The following SCAF11 variants were observed in gnomAD, a reference collection of about 807,000 sequenced individuals.
SCAF11 encodes the protein SR-related CTD associated factor 11.
A neutral mutation model predicts 140.5 loss-of-function variants in SCAF11; 47 were observed. That is an observed-to-expected ratio of 0.33 (90% CI 0.26 to 0.43). The LOEUF (loss-of-function observed/expected upper bound fraction) is 0.43, where lower values mean the gene tolerates loss of function less well. Ranked by LOEUF, SCAF11 falls within the 20% of genes least tolerant of loss-of-function variation. The probability of loss-of-function intolerance (pLI) is 1.00; values close to 1 mark genes in which losing one functional copy is unlikely to be tolerated. For missense variants in SCAF11, 1,645 were observed against 1,705.1 expected (o/e 0.96, Z 0.62); for synonymous variants, 557 against 579.4 (o/e 0.96, Z 0.55).
At chr12:45,971,075 A>T (rs1353310836) in intron 1 of SCAF11, among the ~76,000 whole-genome samples, 5 of 152,258 alleles carry the variant, frequency 3.3e-5, no homozygotes, top group Non-Finnish European at 7.3e-5. Flanking sequence ...AATTGAAAAT[A>T]GGACAAGTTT....
chr12:45,976,181 A>G (rs1285958703), intron 1 of SCAF11, among the ~76,000 whole-genome samples: 1 of 152,174 alleles, frequency 6.6e-6, no homozygotes, highest in East Asian at 1.9e-4. Flanking sequence ...TAAGACCTCT[A>G]TTTCACTTCA....
chr12:45,940,956 C>A (rs1489474478), intron 6 of SCAF11, among the ~76,000 whole-genome samples: 1 of 152,130 alleles, frequency 6.6e-6, no homozygotes, highest in Non-Finnish European at 1.5e-5. Flanking sequence ...AGGTGTGTAT[C>A]ACCACACTTG....
chr12:45,972,145 G>GCTA (rs1946087755), intron 1 of SCAF11, among the ~76,000 whole-genome samples: 1 of 152,188 alleles, frequency 6.6e-6, no homozygotes, highest in South Asian at 2.1e-4. Flanking sequence ...TCACAGACTG[G>GCTA]CTACTGGGTA....
At chr12:45,983,563 T>C (rs1335144010) in intron 1 of SCAF11, among the ~76,000 whole-genome samples, 2 of 152,094 alleles carry the variant, frequency 1.3e-5, no homozygotes, top group Non-Finnish European at 2.9e-5. Flanking sequence ...TAAACAAAGC[T>C]AACTTAAGAG....
intron 1 of SCAF11, among the ~76,000 whole-genome samples, chr12:45,969,982 C>A (rs764120694): frequency 3.9e-5 from 6 of 152,186 alleles, no homozygotes; most frequent in African/African-American, 1.4e-4. Context: ...CCGCAACCTC[C>A]GCTTCCCAAG....
intron 1 of SCAF11, among the ~76,000 whole-genome samples, chr12:45,972,897 T>TATATATAGATAG (rs1565688754): frequency 1.5e-5 from 1 of 64,850 alleles, no homozygotes; most frequent in African/African-American, 5.9e-5. Flanking sequence ...TATATAGATA[T>TATATATAGATAG]ATATATATAT....
intron 1 of SCAF11, among the ~76,000 whole-genome samples, chr12:45,972,931 T>TATCG (rs1946127913): frequency 1.3e-5 from 1 of 76,224 alleles, no homozygotes; most frequent in Non-Finnish European, 2.5e-5. Flanking sequence ...GATATATAGA[T>TATCG]ATATATAGAT....
In SCAF11 at chr12:45,923,095, C is replaced by G. The variant is rs754322684; in HGVS notation, c.3966G>C (p.Pro1322=). 4.3e-6 allele frequency: 7 copies of G among 1,613,948 alleles called. No individual in the cohort carries two copies. The highest frequency in any genetic ancestry group is 5.9e-6 in the Non-Finnish European group (7 of 1,180,012). ...TTCCCGTATTTCCTGGGGCTGCTGT[C>G]GGAGCAGGCAAAACTGGTGTACTCA... ...NNMSTPVLPA[P]TAAPGNTGMV... is the part of the protein sequence containing the mutation. The change falls in exon 13 of 15, where the codon CCG becomes CCC. Residue 1322 remains proline, a synonymous_variant. Transcript: ENST00000369367.
At chr12:45,960,923 TA>T (rs1233788109) in intron 3 of SCAF11, 1 of 160,078 alleles carries the variant, frequency 6.2e-6, no homozygotes, top group African/African-American at 2.4e-5. Context: ...TGACAAATAT[TA>T]ACTTAGAAAA....
rs1944665388 is a variant in SCAF11, at chr12:45,919,844, T to G, written c.*2204A>C. On this transcript the variant is annotated 3_prime_UTR_variant, in exon 15 of 15. Transcript: ENST00000369367. ...ACTTTTTCTCCAAAACTTTAGAACT[T>G]GTTTGCAAAAGCTAAATGGTATAAA... 1 of 152,202 alleles carries G rather than the reference T, an allele frequency of 6.6e-6. No homozygotes were observed. The highest frequency in any genetic ancestry group is 2.4e-5 in the African/African-American group (1 of 41,450). 9.4% of individuals were successfully genotyped at this position (152,202 alleles called of 1,614,324 possible). A position where few individuals can be genotyped will look rare whatever the true frequency, so the allele number is the denominator to read the frequency against.
At chr12:45,925,220 C>A (rs1320202693) in intron 11 of SCAF11, 146 bp from the exon 12 acceptor site, 15 of 630,270 alleles carry the variant, frequency 2.4e-5, no homozygotes, top group African/African-American at 3.7e-5. Flanking sequence ...TTAATTTAAT[C>A]CTGTCATTTC....
intron 1 of SCAF11, chr12:45,974,210 C>T: frequency 2.1e-6 from 1 of 470,920 alleles, no homozygotes; most frequent in Non-Finnish European, 4.4e-6. Flanking sequence ...AAAATGCTAA[C>T]AATCATCTCA....
intron 9 of SCAF11, 117 bp downstream of exon 9, chr12:45,933,014 G>A (rs895149284): frequency 7.3e-5 from 47 of 647,170 alleles, no homozygotes; most frequent in South Asian, 1.7e-4. Flanking sequence ...AGTTTAATTT[G>A]CACAAAACTT....
Position 45,927,664 on chromosome 12 carries a change from T to C in SCAF11, c.2037A>G (p.Lys679=). Residue 679 remains lysine, a synonymous_variant, in exon 11 of 15, where the codon AAA becomes AAG. Transcript: ENST00000369367. Reference sequence around the variant, plus strand: ...GCGATTCATTCTTTTCTTCTAAAGATTTTTCCAATTTGGTGTTCAGAAGAT... The same window carrying C: ...GCGATTCATTCTTTTCTTCTAAAGACTTTTCCAATTTGGTGTTCAGAAGAT... The part of the protein sequence containing the change: ...KNNLLNTKLE[K]SLEEKNESLT... 3 of 1,612,096 alleles carry C rather than the reference T, an allele frequency of 1.9e-6. No homozygotes were observed.
intron 1 of SCAF11, among the ~76,000 whole-genome samples, chr12:45,971,734 G>T (rs887320276): frequency 2.6e-5 from 4 of 151,898 alleles, no homozygotes; most frequent in African/African-American, 9.7e-5. Context: ...CCCTTTCTCT[G>T]TTCCTCATGT....
At chr12:45,962,352 T>TGGC (rs1419144725) in intron 2 of SCAF11, among the ~76,000 whole-genome samples, 2 of 152,236 alleles carry the variant, frequency 1.3e-5, no homozygotes, top group African/African-American at 4.8e-5. Flanking sequence ...TTTCAACTTT[T>TGGC]GGCTATGACA....
At position 45,924,955 on chromosome 12, in the gene SCAF11, T is replaced by C. The variant is rs141444053; in HGVS notation, c.3679A>G (p.Asn1227Asp). Residue 1227 changes from asparagine (N) to aspartate (D), a missense_variant, in exon 12 of 15, where the codon AAT (asparagine) becomes GAT (aspartate). Asn to Asp is a conservative substitution (Grantham distance 23, BLOSUM62 1). Coordinates refer to ENST00000369367, the MANE Select transcript of SCAF11 (RefSeq NM_004719.3). ...ACACCCACTGGATATGGGAAGATAT[T>C]CATAGGCTGGTGTTGTGCATTCATT... ...QQMNAQHQPM[N>D]IFPYPVGVHA... The C allele has an allele frequency of 1.2e-6, 2 of 1,614,176 alleles. No individual in the cohort carries two copies. Among genetic ancestry groups the C allele is most frequent in the Non-Finnish European group, 1.7e-6 (2 of 1,180,024 alleles).
At chr12:45,950,301 T>A (rs1592193266) in intron 4 of SCAF11, among the ~76,000 whole-genome samples, 1 of 151,988 alleles carries the variant, frequency 6.6e-6, no homozygotes, top group East Asian at 1.9e-4. Context: ...GATAATGAAG[T>A]GAAGATTCGA....
At chr12:45,972,131 CAT>C (rs1000653318) in intron 1 of SCAF11, among the ~76,000 whole-genome samples, 39 of 152,304 alleles carry the variant, frequency 2.6e-4, no homozygotes, top group African/African-American at 6.5e-4. Flanking sequence ...AACCTCCACA[CAT>C]GTCACAGACT....
Sources: allele counts gnomAD v4.1 joint callset (sites outside exome capture counted in the v4.1 genomes callset), GRCh38; gene constraint gnomAD v4.1.1; transcripts MANE v1.5; gene names NCBI Gene and HGNC (gene_info 2026-07-23, HGNC 2026-07-21).